BIRC3: variants seen among roughly 807,000 people sequenced by gnomAD.
The protein encoded by BIRC3 is baculoviral IAP repeat containing 3, also known as baculoviral IAP repeat-containing protein 3.
Under a neutral mutation model 59.0 loss-of-function variants are expected in BIRC3, and 26 were observed. The ratio of observed to expected loss-of-function variants is 0.44; its 90% CI spans 0.32 to 0.61. The LOEUF is 0.61. Ranked by LOEUF, BIRC3 falls within the 20% of genes least tolerant of loss-of-function variation. BIRC3 has a pLI of 0.04. For missense variants in BIRC3, 641 were observed against 711.5 expected (o/e 0.90, Z 1.13); for synonymous variants, 243 against 249.2 (o/e 0.98, Z 0.24).
At chr11:102,328,273 A>G in intron 4 of BIRC3, 143 bp downstream of exon 4, 1 of 677,614 alleles carries the variant, frequency 1.5e-6, no homozygotes, top group Non-Finnish European at 2.5e-6. Context: ...ACATGATTTT[A>G]GAAAGTATTA....
intron 5 of BIRC3, 107 bp downstream of exon 5, chr11:102,329,052 G>A (rs1214508762): frequency 1.3e-5 from 8 of 595,174 alleles, no homozygotes; most frequent in Admixed American, 3.7e-5. Flanking sequence ...TATAATTTAC[G>A]ATGAATGCAT....
intron 1 of BIRC3, chr11:102,320,202 G>T (rs1191429565): frequency 6.6e-6 from 1 of 151,970 alleles, no homozygotes; most frequent in African/African-American, 2.4e-5. Context: ...TGTGTAAGGG[G>T]TTTGCAAACT....
intron 3 of BIRC3, among the ~76,000 whole-genome samples, chr11:102,326,190 C>T (rs17878955): frequency 4.6e-5 from 7 of 151,846 alleles, no homozygotes; most frequent in Admixed American, 3.9e-4. Context: ...TATTATAGCA[C>T]GAGAGAACAG....
intron 6 of BIRC3, among the ~76,000 whole-genome samples, chr11:102,335,242 A>C (rs1464396657): frequency 6.6e-6 from 1 of 152,262 alleles, no homozygotes; most frequent in Non-Finnish European, 1.5e-5. Context: ...ACTCTGTTTT[A>C]AAAATGAATA....
rs1951062721 is a variant in BIRC3, at chr11:102,324,621, A to G, written c.112A>G (p.Thr38Ala). Residue 38 changes from threonine to alanine, a missense_variant, in exon 2 of 9, where the codon ACT becomes GCT. Physicochemically the swap from Thr to Ala is moderately conservative, Grantham distance 58. Coordinates refer to ENST00000263464, the MANE Select transcript of BIRC3 (RefSeq NM_001165.5). ...CELYRMSTYS[T>A]FPAGVPVSER... Reference sequence around the variant, plus strand: ...ACTGTACCGAATGTCTACGTATTCCACTTTTCCTGCTGGGGTTCCTGTCTC... The same window carrying G: ...ACTGTACCGAATGTCTACGTATTCCGCTTTTCCTGCTGGGGTTCCTGTCTC... 1 of 1,614,164 alleles carries G rather than the reference A, an allele frequency of 6.2e-7. No individual in the cohort carries two copies. The highest frequency in any genetic ancestry group is 8.5e-7 in the Non-Finnish European group (1 of 1,180,016).
At chr11:102,332,333 T>C (rs1417331767) in intron 6 of BIRC3, among the ~76,000 whole-genome samples, 1 of 152,140 alleles carries the variant, frequency 6.6e-6, no homozygotes, top group Admixed American at 6.5e-5. Context: ...TTTAACAAGC[T>C]CTTACTGGAG....
Position 102,322,584 on chromosome 11 carries a change from T to C in BIRC3, c.-1926T>C, listed in dbSNP as rs993820132. The C allele has an allele frequency of 1.9e-5, 4 of 205,850 alleles. No individual in the cohort carries two copies. The highest frequency in any genetic ancestry group is 4.0e-5 in the Non-Finnish European group (4 of 100,864). 12.8% of individuals were successfully genotyped at this position (205,850 alleles called of 1,614,324 possible). On this transcript the variant is annotated 5_prime_UTR_variant, in exon 2 of 9. Coordinates refer to ENST00000263464, the MANE Select transcript of BIRC3 (RefSeq NM_001165.5). ...CAGTGATGAATACAAAGAAGATTTT[T>C]ATAACAATGTGTAAAATTTTTGGCC... is the stretch of plus-strand genomic sequence containing the variant.
Position 102,336,093 on chromosome 11 carries a change from G to A in BIRC3, c.1452G>A (p.Gln484=). ...INEQEHDVIK[Q]KTQTSLQARE... ...AACAAGAACATGATGTTATTAAACAGAAGACACAGACGTCTTTACAAGCAA... is the reference window on the plus strand; with the variant it reads ...AACAAGAACATGATGTTATTAAACAAAAGACACAGACGTCTTTACAAGCAA... Residue 484 remains glutamine, a synonymous_variant, in exon 7 of 9, where the codon CAG becomes CAA. Coordinates refer to ENST00000263464, the MANE Select transcript of BIRC3 (RefSeq NM_001165.5). 3.1e-6 allele frequency: 5 copies of A among 1,613,932 alleles called. No individual in the cohort carries two copies. The highest frequency in any genetic ancestry group is 4.2e-6 in the Non-Finnish European group (5 of 1,179,940).
In BIRC3 at chr11:102,337,314, G is replaced by A. The variant is rs768311060; in HGVS notation, c.*212G>A. ...ATGATAGGCTTTTGTTCTTATGAAC[G>A]AAAAAGAGGTAGCACTACAAACACA... On this transcript the variant is annotated 3_prime_UTR_variant, in exon 9 of 9. Transcript: ENST00000263464. 20 of 409,460 alleles carry A rather than the reference G, an allele frequency of 4.9e-5. No individual in the cohort carries two copies. Among genetic ancestry groups the A allele is most frequent in the Non-Finnish European group, 6.4e-5 (15 of 235,076 alleles). The allele number at this position is 409,460 out of a possible 1,614,324, so 25.4% of individuals were successfully genotyped here. A position where few individuals can be genotyped will look rare whatever the true frequency, so the allele number is the denominator to read the frequency against.
In BIRC3 at chr11:102,337,447, G is replaced by C. The variant is rs868079563; in HGVS notation, c.*345G>C. 3 of 399,452 alleles carry C rather than the reference G, an allele frequency of 7.5e-6. No individual in the cohort carries two copies. The highest frequency in any genetic ancestry group is 1.3e-4 in the South Asian group (1 of 7,982). The allele number at this position is 399,452 out of a possible 1,614,324, so 24.7% of individuals were successfully genotyped here. Reference sequence around the variant, plus strand: ...AATATTTTGGCATTGTACTAATACCGGGAACATGAAGCCAGGTGTGGTGGT... The same window carrying C: ...AATATTTTGGCATTGTACTAATACCCGGAACATGAAGCCAGGTGTGGTGGT... On this transcript the variant is annotated 3_prime_UTR_variant, in exon 9 of 9. Transcript: ENST00000263464.
intron 1 of BIRC3, among the ~76,000 whole-genome samples, chr11:102,321,414 G>A (rs150517735): frequency 0.014 from 2,074 of 152,122 alleles, 44 homozygotes; most frequent in African/African-American, 0.047. Context: ...GAGTGTAGTG[G>A]CACTATTTCG....
At chr11:102,329,168 T>A (rs576857443) in intron 5 of BIRC3, among the ~76,000 whole-genome samples, 1 of 152,346 alleles carries the variant, frequency 6.6e-6, no homozygotes, top group African/African-American at 2.4e-5. Context: ...TCAGACCTAC[T>A]GAATTAAATC....
At chr11:102,328,730 T>A (rs908935852) in intron 4 of BIRC3, among the ~76,000 whole-genome samples, 167 bp from the exon 5 acceptor site, 4 of 152,064 alleles carry the variant, frequency 2.6e-5, no homozygotes, top group African/African-American at 9.7e-5. Context: ...CTATCAAATA[T>A]AAATGAAATA....
intron 6 of BIRC3, 110 bp downstream of exon 6, chr11:102,331,351 G>T (rs762555360): frequency 1.8e-5 from 21 of 1,167,510 alleles, no homozygotes; most frequent in Non-Finnish European, 2.2e-5. Flanking sequence ...AATCCAGTCA[G>T]GTTTTTTTCA....
chr11:102,332,093 T>C (rs1171987239), intron 6 of BIRC3, among the ~76,000 whole-genome samples: 3 of 152,240 alleles, frequency 2.0e-5, no homozygotes, highest in African/African-American at 7.2e-5. Flanking sequence ...CCTAGTATAC[T>C]GTTTCACAAT....
chr11:102,319,965 G>A (rs1951014234), intron 1 of BIRC3: 1 of 152,248 alleles, frequency 6.6e-6, no homozygotes, highest in Non-Finnish European at 1.5e-5. Context: ...CCGGGTTCAA[G>A]TGATTCTCCT....
chr11:102,325,113 A>G lies in BIRC3; in HGVS notation c.604A>G (p.Arg202Gly). 2.5e-6 allele frequency: 4 copies of G among 1,614,246 alleles called. No individual in the cohort carries two copies. The highest frequency in any genetic ancestry group is 3.4e-6 in the Non-Finnish European group (4 of 1,180,032). Residue 202 changes from arginine to glycine, a missense_variant, in exon 2 of 9, where the codon AGA becomes GGA. Physicochemically the swap from Arg to Gly is moderately radical, Grantham distance 125. Transcript: ENST00000263464. ...CTTTTACTACATAGGACCTGGAGAC[A>G]GAGTGGCTTGCTTTGCCTGTGGTGG... ...AGFYYIGPGD[R>G]VACFACGGKL...
At position 102,327,108 on chromosome 11, in the gene BIRC3, AC is replaced by A. The variant is rs1278889177; in HGVS notation, c.954-942del. On this transcript the variant is annotated intron_variant, in intron 3 of 8. Transcript: ENST00000263464. ...GAGCCTTGGTAGATAACTAGTAATC[AC>A]CTTCCTCTTGCTTATATCAACCTGC... 3.9e-5 allele frequency among the ~76,000 whole-genome samples: 6 copies of A among 152,288 alleles called. No individual in the cohort carries two copies. The East Asian group carries it at 1.2e-3, about 29-fold the overall frequency.
chr11:102,325,523 C>T lies in BIRC3; in HGVS notation c.911C>T (p.Ser304Phe). Reference sequence around the variant, plus strand: ...GATGGTGGACTCAGGTGTTGGGAATCTGGAGATGATCCATGGGTTCAACAT... The same window carrying T: ...GATGGTGGACTCAGGTGTTGGGAATTTGGAGATGATCCATGGGTTCAACAT... ...CCDGGLRCWE[S>F]GDDPWVQHAK... is the part of the protein sequence containing the mutation. The change falls in exon 3 of 9, where the codon TCT (serine) becomes TTT (phenylalanine). Residue 304 changes from serine (S) to phenylalanine (F), a missense_variant. Transcript: ENST00000263464. The T allele has an allele frequency of 1.9e-6, 3 of 1,612,988 alleles. No homozygotes were observed. The highest frequency in any genetic ancestry group is 2.5e-6 in the Non-Finnish European group (3 of 1,179,346).
Sources: allele counts gnomAD v4.1 joint callset (sites outside exome capture counted in the v4.1 genomes callset), GRCh38; gene constraint gnomAD v4.1.1; transcripts MANE v1.5; gene names NCBI Gene and HGNC (gene_info 2026-07-23, HGNC 2026-07-21).